The following PPM1L variants were observed in gnomAD, a reference collection of about 807,000 sequenced individuals.
PPM1L encodes the protein protein phosphatase, Mg2+/Mn2+ dependent 1L.
Under a neutral mutation model 31.4 loss-of-function variants are expected in PPM1L, and 13 were observed. The ratio of observed to expected loss-of-function variants is 0.41; its 90% CI spans 0.27 to 0.66. The LOEUF (loss-of-function observed/expected upper bound fraction) is 0.66. PPM1L is among the 30% of genes least tolerant of loss of function. The pLI is 0.29. For missense variants in PPM1L, 326 were observed against 453.7 expected, an observed-to-expected ratio of 0.72 and a Z score of 2.56; for synonymous variants, 184 against 175.4, an observed-to-expected ratio of 1.05 and a Z score of -0.39.
chr3:160,897,983 T>C (rs1448049133), intron 1 of PPM1L, among the ~76,000 whole-genome samples: 1 of 152,194 alleles, frequency 6.6e-6, no homozygotes, highest in African/African-American at 2.4e-5. Context: ...TTTTAATATA[T>C]GGCATGTACC....
chr3:161,051,875 G>C (rs1012919958), intron 2 of PPM1L, among the ~76,000 whole-genome samples: 1 of 152,136 alleles, frequency 6.6e-6, no homozygotes, highest in Non-Finnish European at 1.5e-5. Flanking sequence ...TCACTTCCAC[G>C]TATATCCCAT....
intron 1 of PPM1L, among the ~76,000 whole-genome samples, chr3:160,800,361 C>T (rs142317516): frequency 2.8e-3 from 423 of 152,214 alleles, no homozygotes; most frequent in Non-Finnish European, 4.3e-3. Context: ...ATCAATTCTT[C>T]GTGACCTTCA....
At chr3:160,953,469 A>C (rs1715637400) in intron 1 of PPM1L, among the ~76,000 whole-genome samples, 1 of 152,218 alleles carries the variant, frequency 6.6e-6, no homozygotes, top group African/African-American at 2.4e-5. Context: ...TTTTATTTTA[A>C]GTCCACTAAA....
intron 1 of PPM1L, among the ~76,000 whole-genome samples, chr3:160,902,531 A>AT (rs547827895): frequency 3.3e-5 from 5 of 152,112 alleles, no homozygotes; most frequent in Non-Finnish European, 7.4e-5. Flanking sequence ...CTCTAGAGAA[A>AT]TGGTTTACAA....
chr3:160,826,828 T>C (rs994352532), intron 1 of PPM1L, among the ~76,000 whole-genome samples: 2 of 152,158 alleles, frequency 1.3e-5, no homozygotes, highest in Non-Finnish European at 1.5e-5. Context: ...AGAATTTTTA[T>C]TAGAACTGTA....
chr3:160,979,744 A>G (rs1483315112), intron 2 of PPM1L, among the ~76,000 whole-genome samples: 1 of 152,072 alleles, frequency 6.6e-6, no homozygotes, highest in Non-Finnish European at 1.5e-5. Context: ...TATTTCTTAA[A>G]ATTTATAAAA....
intron 2 of PPM1L, among the ~76,000 whole-genome samples, chr3:161,025,283 G>A (rs1718346335): frequency 6.6e-6 from 1 of 152,118 alleles, no homozygotes; most frequent in South Asian, 2.1e-4. Flanking sequence ...GATCCTTCAT[G>A]CCAGGTACAG....
intron 1 of PPM1L, among the ~76,000 whole-genome samples, chr3:160,913,393 A>T (rs1008534965): frequency 6.6e-6 from 1 of 152,198 alleles, no homozygotes; most frequent in Non-Finnish European, 1.5e-5. Context: ...ACTACTTTTT[A>T]AAATCACTTT....
At chr3:160,878,648 C>T (rs536566902) in intron 1 of PPM1L, among the ~76,000 whole-genome samples, 12 of 152,156 alleles carry the variant, frequency 7.9e-5, no homozygotes, top group South Asian at 6.3e-4. Context: ...AATTTTGGGG[C>T]GACACAAACA....
intron 1 of PPM1L, among the ~76,000 whole-genome samples, chr3:160,838,786 C>T (rs184700257): frequency 2.6e-5 from 4 of 152,180 alleles, no homozygotes; most frequent in Admixed American, 2.0e-4. Flanking sequence ...GATTATGATA[C>T]AGAAGGAGCT....
intron 2 of PPM1L, among the ~76,000 whole-genome samples, chr3:161,060,748 G>GTT (rs535967146): frequency 2.0e-5 from 3 of 148,274 alleles, no homozygotes; most frequent in Admixed American, 6.7e-5. Context: ...AGCTTTTTGG[G>GTT]TTTTTTTTTA....
At chr3:160,991,682 AT>A (rs1203857126) in intron 2 of PPM1L, among the ~76,000 whole-genome samples, 4 of 152,246 alleles carry the variant, frequency 2.6e-5, no homozygotes, top group African/African-American at 9.6e-5. Context: ...CCTTAACTGT[AT>A]TCCTAACGAC....
At chr3:160,989,408 A>T (rs1206378609) in intron 2 of PPM1L, among the ~76,000 whole-genome samples, 6 of 145,542 alleles carry the variant, frequency 4.1e-5, no homozygotes, top group Non-Finnish European at 9.1e-5. Context: ...ATTTAAAACA[A>T]TTTTTTTTTT....
intron 1 of PPM1L, among the ~76,000 whole-genome samples, chr3:160,897,830 C>T (rs1713400006): frequency 6.6e-6 from 1 of 152,206 alleles, no homozygotes; most frequent in Non-Finnish European, 1.5e-5. Flanking sequence ...ATTTTAATAA[C>T]AATACTCTCA....
intron 1 of PPM1L, among the ~76,000 whole-genome samples, chr3:160,894,466 G>C (rs141046128): frequency 3.2e-4 from 48 of 152,216 alleles, no homozygotes; most frequent in African/African-American, 1.1e-3. Context: ...GTAGTCTTTT[G>C]AATGGCCCCT....
At chr3:161,048,008 A>T (rs1394967630) in intron 2 of PPM1L, among the ~76,000 whole-genome samples, 1 of 152,224 alleles carries the variant, frequency 6.6e-6, no homozygotes, top group African/African-American at 2.4e-5. Flanking sequence ...AGGCAATACC[A>T]TTCAGGACAT....
intron 1 of PPM1L, among the ~76,000 whole-genome samples, chr3:160,948,852 C>T (rs998527375): frequency 6.6e-6 from 1 of 152,022 alleles, no homozygotes; most frequent in Non-Finnish European, 1.5e-5. Context: ...TCTTGTACAA[C>T]CCTAGATGTA....
chr3:160,990,217 G>T (rs1717087733), intron 2 of PPM1L, among the ~76,000 whole-genome samples: 1 of 151,836 alleles, frequency 6.6e-6, no homozygotes, highest in Admixed American at 6.6e-5. Flanking sequence ...GCCCAGGCTG[G>T]TCTCAAACTC....
intron 1 of PPM1L, among the ~76,000 whole-genome samples, chr3:160,809,076 A>T (rs1378656): frequency 0.55 from 83,196 of 152,142 alleles, 26,163 homozygotes; most frequent in African/African-American, 0.87. Context: ...GGCACCAGCA[A>T]GCGTCCCAGA....
Sources: allele counts gnomAD v4.1 joint callset (sites outside exome capture counted in the v4.1 genomes callset), GRCh38; gene constraint gnomAD v4.1.1; transcripts MANE v1.5; gene names NCBI Gene and HGNC (gene_info 2026-07-23, HGNC 2026-07-21).